The following RNF138 variants were observed in gnomAD, a reference collection of about 807,000 sequenced individuals.
RNF138 encodes the protein ring finger protein 138.
Under a neutral mutation model 31.0 loss-of-function variants are expected in RNF138, and 12 were observed. The ratio of observed to expected loss-of-function variants is 0.39; its 90% CI spans 0.25 to 0.63. The LOEUF (loss-of-function observed/expected upper bound fraction) is 0.63. RNF138 is among the 20% of genes least tolerant of loss of function. The probability of loss-of-function intolerance (pLI) is 0.52; values close to 1 mark genes in which losing one functional copy is unlikely to be tolerated. For synonymous variants in RNF138, 105 were observed against 99.5 expected (o/e 1.06, Z -0.33); for missense variants, 192 against 300.1 (o/e 0.64, Z 2.66).
chr18:32,092,679 C>G (rs775419697), intron 1 of RNF138, 21 bp from the exon 2 acceptor site: 1 of 722,146 alleles, frequency 1.4e-6, no homozygotes, highest in Non-Finnish European at 2.4e-6. Context: ...CGATCCCCCT[C>G]CCCCCTCCGG....
chr18:32,093,857 G>A (rs1160719081), intron 2 of RNF138, among the ~76,000 whole-genome samples: 1 of 152,176 alleles, frequency 6.6e-6, no homozygotes, highest in Non-Finnish European at 1.5e-5. Context: ...AGAGTCCCCG[G>A]GGAACTTTTT....
intron 4 of RNF138, among the ~76,000 whole-genome samples, chr18:32,120,798 C>CT (rs750316425): frequency 2.0e-5 from 3 of 152,098 alleles, no homozygotes; most frequent in Admixed American, 1.3e-4. Context: ...TTGCATTACC[C>CT]TATCAGTGAA....
Position 32,123,559 on chromosome 18 carries a change from A to T in RNF138, c.434A>T (p.Tyr145Phe), listed in dbSNP as rs1555699737. Residue 145 changes from tyrosine to phenylalanine, a missense_variant, in exon 5 of 8, where the codon TAC (tyrosine) becomes TTC (phenylalanine). This residue lies in a region of RNF138 where 140 missense variants were observed against 251.7 expected (regional missense o/e 0.56). Coordinates refer to ENST00000261593, the MANE Select transcript of RNF138 (RefSeq NM_016271.5). ...TCCACATCTGATAACACAGAAACTT[A>T]CCAAGAGAATACAAGGTAAGCTTTT... ...ETSTSDNTET[Y>F]QENTSSSGHP... is the part of the protein sequence containing the mutation. 1 of 1,592,716 alleles carries T rather than the reference A, an allele frequency of 6.3e-7. No homozygotes were observed. Among genetic ancestry groups the T allele is most frequent in the South Asian group, 1.1e-5 (1 of 87,518 alleles).
chr18:32,101,569 A>G (rs1232100824), intron 2 of RNF138, among the ~76,000 whole-genome samples: 1 of 151,320 alleles, frequency 6.6e-6, no homozygotes, highest in South Asian at 2.1e-4. Context: ...AGAAAAATTT[A>G]TTTTTTTTTA....
At chr18:32,122,981 G>T (rs957027961) in intron 4 of RNF138, among the ~76,000 whole-genome samples, 1 of 152,234 alleles carries the variant, frequency 6.6e-6, no homozygotes, top group Admixed American at 6.5e-5. Context: ...TAAAAGTGGA[G>T]ATGTTAAGTT....
At chr18:32,093,542 A>C (rs2039748337) in intron 2 of RNF138, among the ~76,000 whole-genome samples, 1 of 151,964 alleles carries the variant, frequency 6.6e-6, no homozygotes, top group Non-Finnish European at 1.5e-5. Flanking sequence ...AACTGACAGG[A>C]TTTTCGGGCA....
chr18:32,100,881 AGGCCTGAGCCACTGCGCCT>A (rs1216673895), intron 2 of RNF138, among the ~76,000 whole-genome samples: 1 of 152,182 alleles, frequency 6.6e-6, no homozygotes. Context: ...CTGGGATCAC[AGGCCTGAGCCACTGCGCCT>A]GGCCTGAGAT....
At chr18:32,100,201 GATATATAT>G (rs34225221) in intron 2 of RNF138, among the ~76,000 whole-genome samples, 11 of 146,562 alleles carry the variant, frequency 7.5e-5, no homozygotes, top group Admixed American at 2.1e-4. Flanking sequence ...TAGTGATTGA[GATATATAT>G]ATATATATAT....
intron 4 of RNF138, among the ~76,000 whole-genome samples, chr18:32,114,537 AT>A (rs2040184532): frequency 6.6e-6 from 1 of 152,188 alleles, no homozygotes; most frequent in Non-Finnish European, 1.5e-5. Flanking sequence ...GCTCCTGCCC[AT>A]TTGAACCGTA....
intron 2 of RNF138, among the ~76,000 whole-genome samples, chr18:32,110,942 G>A (rs1281527440): frequency 6.6e-6 from 1 of 151,970 alleles, no homozygotes; most frequent in Non-Finnish European, 1.5e-5. Flanking sequence ...CACCACGCCC[G>A]GCTAATTTTT....
chr18:32,110,572 C>T (rs2040110452), intron 2 of RNF138, among the ~76,000 whole-genome samples: 1 of 152,148 alleles, frequency 6.6e-6, no homozygotes, highest in African/African-American at 2.4e-5. Flanking sequence ...ACCATTTCCT[C>T]TCAACTTCTG....
chr18:32,093,087 C>G (rs2039732945), intron 2 of RNF138, among the ~76,000 whole-genome samples: 2 of 148,906 alleles, frequency 1.3e-5, no homozygotes, highest in Admixed American at 6.6e-5. Context: ...CTCCCCGCGT[C>G]CAGCCCCCTC....
chr18:32,097,119 C>T (rs1046505696), intron 2 of RNF138, among the ~76,000 whole-genome samples: 1 of 152,230 alleles, frequency 6.6e-6, no homozygotes, highest in African/African-American at 2.4e-5. Context: ...AAAGTACAGA[C>T]TGGCGTAGGA....
Position 32,126,817 on chromosome 18 carries a change from A to G in RNF138, c.669+17A>G, listed in dbSNP as rs1240888851. Reference sequence around the variant, plus strand: ...GAATTTGTGGTAAGTGAATTCTTCAAGATTAAGAAAGTACTGTTTAAATAT... The same window carrying G: ...GAATTTGTGGTAAGTGAATTCTTCAGGATTAAGAAAGTACTGTTTAAATAT... On this transcript the variant is annotated intron_variant, in intron 7 of 7. Coordinates refer to ENST00000261593, the MANE Select transcript of RNF138 (RefSeq NM_016271.5). 2 of 1,335,202 alleles carry G rather than the reference A, an allele frequency of 1.5e-6. No individual in the cohort carries two copies. Among genetic ancestry groups the G allele is most frequent in the Non-Finnish European group, 2.2e-6 (2 of 927,722 alleles). The allele number at this position is 1,335,202 out of a possible 1,614,324, so 82.7% of individuals were successfully genotyped here.
At chr18:32,097,864 G>C (rs2039838252) in intron 2 of RNF138, among the ~76,000 whole-genome samples, 1 of 151,514 alleles carries the variant, frequency 6.6e-6, no homozygotes, top group South Asian at 2.1e-4. Context: ...CTGTTGCTCG[G>C]GCTATATATA....
At chr18:32,120,351 A>G (rs2040283805) in intron 4 of RNF138, among the ~76,000 whole-genome samples, 1 of 152,200 alleles carries the variant, frequency 6.6e-6, no homozygotes, top group South Asian at 2.1e-4. Flanking sequence ...GAGTCTAGGC[A>G]TTTGTATTTT....
intron 6 of RNF138, 191 bp downstream of exon 6, chr18:32,125,036 CATT>C (rs1456176209): frequency 1.5e-4 from 76 of 518,992 alleles, no homozygotes; most frequent in Non-Finnish European, 1.5e-4. Flanking sequence ...CAGTAACTCT[CATT>C]ATAAAAAGGG....
Position 32,126,769 on chromosome 18 carries a change from A to G in RNF138, c.638A>G (p.Gln213Arg). ...ITRNFVSHLNQRHQFDYGEFV... is the reference protein window; with the variant it reads ...ITRNFVSHLNRRHQFDYGEFV... ...AGAAATTTCGTTAGTCATCTAAATCAGAGACATCAATTTGATTATGGAGAA... is the reference window on the plus strand; with the variant it reads ...AGAAATTTCGTTAGTCATCTAAATCGGAGACATCAATTTGATTATGGAGAA... Residue 213 changes from glutamine to arginine, a missense_variant, in exon 7 of 8, where the codon CAG becomes CGG. Coordinates refer to ENST00000261593, the MANE Select transcript of RNF138 (RefSeq NM_016271.5). 6.3e-7 allele frequency: 1 copy of G among 1,599,672 alleles called. No homozygotes were observed. The highest frequency in any genetic ancestry group is 8.6e-7 in the Non-Finnish European group (1 of 1,167,210).
chr18:32,092,708 G>A lies in RNF138; in HGVS notation c.-69G>A, dbSNP rs1238051203. 1 of 949,104 alleles carries A rather than the reference G, an allele frequency of 1.1e-6. No homozygotes were observed. Among genetic ancestry groups the A allele is most frequent in the Non-Finnish European group, 1.6e-6 (1 of 612,724 alleles). The allele number at this position is 949,104 out of a possible 1,614,324, so 58.8% of individuals were successfully genotyped here. A position where few individuals can be genotyped will look rare whatever the true frequency, so the allele number is the denominator to read the frequency against. ...CCTCCGGGTTCATGTAGGGAGTCGG[G>A]CCCCGGGCCGCCACCGTCACCTCGG... On this transcript the variant is annotated 5_prime_UTR_variant, in exon 2 of 8. Transcript: ENST00000261593.
Sources: allele counts gnomAD v4.1 joint callset (sites outside exome capture counted in the v4.1 genomes callset), GRCh38; gene constraint gnomAD v4.1.1; regional missense constraint gnomAD v4.1.1; transcripts MANE v1.5; gene names NCBI Gene and HGNC (gene_info 2026-07-23, HGNC 2026-07-21).